ANK3: variants seen among roughly 807,000 people sequenced by gnomAD.
ANK3 encodes ankyrin 3.
ANK3 carries 57 observed loss-of-function variants against 370.9 expected under a neutral mutation model. The observed-to-expected ratio is 0.15, with a 90% CI of 0.12 to 0.19. The LOEUF (loss-of-function observed/expected upper bound fraction) is 0.19, where lower values mean the gene tolerates loss of function less well. Among genes scored for constraint, ANK3 ranks in the 10% least tolerant of loss-of-function variants. The pLI, the probability that ANK3 is intolerant of heterozygous loss-of-function variation, is 1.00. For missense variants in ANK3, 4,439 were observed against 5,302.1 expected (o/e 0.84, Z 5.06); for synonymous variants, 1,929 against 1,946.3 (o/e 0.99, Z 0.23).
In ANK3 at chr10:60,613,198, T is replaced by G. The variant is rs367651497; in HGVS notation, c.96+1988A>C. On this transcript the variant is annotated intron_variant, in intron 2 of 43. Transcript: ENST00000373827. ...ATTATTAACTTTACTAGATATAAAT[T>G]TCTAAAACATAGAGAATGCTTTTGA... is the stretch of plus-strand genomic sequence containing the variant. Among the ~76,000 whole-genome samples, 19 of 152,340 alleles carry G rather than the reference T, an allele frequency of 1.2e-4. No individual in the cohort carries two copies. In the East Asian group the frequency reaches 3.5e-3, roughly 28 times the overall value.
intron 2 of ANK3, among the ~76,000 whole-genome samples, chr10:60,411,898 T>G (rs1256803838): frequency 6.6e-6 from 1 of 152,144 alleles, no homozygotes; most frequent in African/African-American, 2.4e-5. Context: ...TTAAAAAAAT[T>G]AGAAGACAGC....
At chr10:60,213,698 A>G (rs2096891233) in intron 8 of ANK3, among the ~76,000 whole-genome samples, 188 bp from the exon 9 acceptor site, 1 of 152,206 alleles carries the variant, frequency 6.6e-6, no homozygotes, top group South Asian at 2.1e-4. Context: ...AAGTTTAAGT[A>G]GCTGCAAAGT....
intron 2 of ANK3, among the ~76,000 whole-genome samples, chr10:60,561,725 C>G (rs1481471318): frequency 6.6e-6 from 1 of 152,212 alleles, no homozygotes; most frequent in Non-Finnish European, 1.5e-5. Flanking sequence ...TCCTCAGAGC[C>G]TGAGCACCAC....
At chr10:60,238,191 A>C (rs189292781) in intron 7 of ANK3, among the ~76,000 whole-genome samples, 39 of 152,324 alleles carry the variant, frequency 2.6e-4, no homozygotes, top group African/African-American at 7.5e-4. Context: ...ACCAATAAAA[A>C]TGTATCATGC....
intron 1 of ANK3, among the ~76,000 whole-genome samples, chr10:60,708,260 T>C (rs2079648349): frequency 6.6e-6 from 1 of 152,196 alleles, no homozygotes; most frequent in Admixed American, 6.5e-5. Flanking sequence ...AGGTAGACAA[T>C]CCTGCCTACC....
At chr10:60,372,572 G>T (rs2060243289) in intron 1 of ANK3, among the ~76,000 whole-genome samples, 1 of 152,182 alleles carries the variant, frequency 6.6e-6, no homozygotes, top group Non-Finnish European at 1.5e-5. Flanking sequence ...AATCAGAACT[G>T]TTCAGCAATG....
chr10:60,385,297 CTTGA>C (rs910935396), intron 1 of ANK3, among the ~76,000 whole-genome samples: 23 of 151,920 alleles, frequency 1.5e-4, no homozygotes, highest in African/African-American at 5.3e-4. Flanking sequence ...TGTTCTTCTG[CTTGA>C]CTATCTTGCT....
At chr10:60,589,664 G>T (rs2077882909) in intron 2 of ANK3, among the ~76,000 whole-genome samples, 1 of 151,940 alleles carries the variant, frequency 6.6e-6, no homozygotes, top group African/African-American at 2.4e-5. Context: ...AACAAAACTG[G>T]TTTAAAGAAA....
intron 42 of ANK3, among the ~76,000 whole-genome samples, chr10:60,051,201 T>A (rs1395706247): frequency 6.6e-6 from 1 of 152,180 alleles, no homozygotes; most frequent in African/African-American, 2.4e-5. Context: ...TAACACTTCT[T>A]CAAGGAAAGC....
At chr10:60,515,212 G>A (rs977095371) in intron 2 of ANK3, among the ~76,000 whole-genome samples, 2 of 152,220 alleles carry the variant, frequency 1.3e-5, no homozygotes, top group East Asian at 1.9e-4. Flanking sequence ...GCAAACAAGG[G>A]CAGAAATTAT....
At chr10:60,602,719 G>A (rs866767448) in intron 2 of ANK3, among the ~76,000 whole-genome samples, 4 of 151,852 alleles carry the variant, frequency 2.6e-5, no homozygotes, top group African/African-American at 9.7e-5. Flanking sequence ...TTATAAATAC[G>A]GGCATGATAC....
At chr10:60,694,508 T>C (rs1238938932) in intron 1 of ANK3, among the ~76,000 whole-genome samples, 2 of 152,004 alleles carry the variant, frequency 1.3e-5, no homozygotes, top group Non-Finnish European at 2.9e-5. Flanking sequence ...AAAGGTCGGG[T>C]TACCCTCAAA....
At chr10:60,159,080 C>G (rs550532275) in intron 23 of ANK3, among the ~76,000 whole-genome samples, 173 of 152,264 alleles carry the variant, frequency 1.1e-3, no homozygotes, top group African/African-American at 4.1e-3. Flanking sequence ...ATAGTAAGTT[C>G]TTACCTAGCA....
intron 1 of ANK3, among the ~76,000 whole-genome samples, chr10:60,672,518 C>A (rs1485594405): frequency 6.6e-6 from 1 of 152,186 alleles, no homozygotes; most frequent in Non-Finnish European, 1.5e-5. Context: ...ACAACACATC[C>A]ATGTGGCTGA....
chr10:60,595,425 T>C (rs1215900369), intron 2 of ANK3, among the ~76,000 whole-genome samples: 1 of 152,176 alleles, frequency 6.6e-6, no homozygotes, highest in Non-Finnish European at 1.5e-5. Context: ...CTTCTTGCAC[T>C]GAGTCAGTTC....
chr10:60,680,306 A>G (rs945349918), intron 1 of ANK3, among the ~76,000 whole-genome samples: 3 of 152,228 alleles, frequency 2.0e-5, no homozygotes, highest in African/African-American at 7.2e-5. Flanking sequence ...TGCTGCTCGC[A>G]CCACAGTAAT....
intron 1 of ANK3, among the ~76,000 whole-genome samples, chr10:60,383,470 G>A (rs988254841): frequency 6.6e-6 from 1 of 152,060 alleles, no homozygotes; most frequent in African/African-American, 2.4e-5. Flanking sequence ...TCTGAACTCA[G>A]ACAACCTTAC....
In ANK3 at chr10:60,196,207, C is replaced by A. The variant is rs200194900; in HGVS notation, c.1825G>T (p.Asp609Tyr). 6.2e-7 allele frequency: 1 copy of A among 1,613,926 alleles called. No homozygotes were observed. ...LTPLHVAAHY[D>Y]NQKVALLLLD... ...AGCAGAAGGGCCACTTTCTGATTAT[C>A]GTAATGTGCAGCTACATGCAGTGGT... is the stretch of plus-strand genomic sequence containing the variant. Residue 609 changes from aspartate to tyrosine, a missense_variant, in exon 16 of 44, where the codon GAT becomes TAT. By Grantham distance (160) the Asp-to-Tyr change is radical (BLOSUM62 -3). Around this residue, in one of 13 missense-constraint regions of ANK3, gnomAD observed 192 missense variants for 192.1 expected, o/e 1.00. Coordinates refer to ENST00000280772, the MANE Select transcript of ANK3 (RefSeq NM_020987.5).
intron 2 of ANK3, among the ~76,000 whole-genome samples, chr10:60,435,597 C>T (rs2064135851): frequency 6.6e-6 from 1 of 152,118 alleles, no homozygotes; most frequent in African/African-American, 2.4e-5. Context: ...AGAAAATTTT[C>T]ATCACTAACC....
Sources: gnomAD v4.1 joint callset for allele counts (sites outside exome capture counted in the v4.1 genomes callset) on GRCh38, gnomAD v4.1.1 for gene constraint, gnomAD v4.1.1 regional missense constraint, MANE v1.5 for transcripts, NCBI Gene and HGNC (gene_info 2026-07-23, HGNC 2026-07-21) for gene names.